Variants in STK33 observed in about 807,000 individuals in gnomAD.
STK33 encodes the protein serine/threonine kinase 33.
In STK33, 52 loss-of-function variants were observed where a neutral mutation model predicts 58.0. The ratio of observed to expected loss-of-function variants is 0.90; its 90% CI spans 0.72 to 1.13. The LOEUF (loss-of-function observed/expected upper bound fraction) is 1.13, where lower values mean the gene tolerates loss of function less well. STK33 is among the 50% of genes most tolerant of loss of function. The pLI, the probability that STK33 is intolerant of heterozygous loss-of-function variation, is 0.00. For synonymous variants in STK33, 215 were observed against 200.1 expected (o/e 1.07, Z -0.63); for missense variants, 630 against 604.2 (o/e 1.04, Z -0.45).
chr11:8,513,159 G>C (rs1952478845), intron 1 of STK33, among the ~76,000 whole-genome samples: 2 of 152,124 alleles, frequency 1.3e-5, no homozygotes, highest in Admixed American at 1.3e-4. Flanking sequence ...AGCAAGCAAG[G>C]AGTCCTGTGC....
rs528904647 is a variant in STK33 at position 8,558,800 on chromosome 11, C to G, written c.-466+35283G>C. On this transcript the variant is annotated intron_variant, in intron 1 of 15. Coordinates refer to ENST00000687296, the MANE Select transcript of STK33 (RefSeq NM_001352389.2). ...ATGGATAACACAAACATGAAATTCA[C>G]TTATGCTCAAATCGCTTCCTAATAT... 9.2e-5 allele frequency among the ~76,000 whole-genome samples: 14 copies of G among 152,336 alleles called. No homozygotes were observed. The South Asian group carries it at 2.3e-3, about 25-fold the overall frequency.
At chr11:8,509,955 T>C (rs1346230454) in intron 1 of STK33, among the ~76,000 whole-genome samples, 1 of 152,240 alleles carries the variant, frequency 6.6e-6, no homozygotes, top group African/African-American at 2.4e-5. Context: ...AGAATTATGC[T>C]GCTATAAACG....
chr11:8,473,717 C>T (rs1306781058), intron 5 of STK33, among the ~76,000 whole-genome samples: 1 of 152,118 alleles, frequency 6.6e-6, no homozygotes, highest in African/African-American at 2.4e-5. Context: ...ATCCATATGG[C>T]AGTAACTATA....
At chr11:8,416,605 C>T (rs938965301) in intron 14 of STK33, among the ~76,000 whole-genome samples, 3 of 152,160 alleles carry the variant, frequency 2.0e-5, no homozygotes, top group African/African-American at 7.2e-5. Flanking sequence ...GGATTGCCTA[C>T]ATTATTTTGA....
intron 1 of STK33, among the ~76,000 whole-genome samples, chr11:8,573,658 C>T (rs762819074): frequency 5.9e-5 from 9 of 152,130 alleles, no homozygotes; most frequent in African/African-American, 1.9e-4. Context: ...TATCAGTAAC[C>T]GTCAAAAACT....
chr11:8,544,445 AATG>A (rs1205490809), intron 1 of STK33, among the ~76,000 whole-genome samples: 1 of 150,568 alleles, frequency 6.6e-6, no homozygotes, highest in Non-Finnish European at 1.5e-5. Flanking sequence ...TTAGAAGAAT[AATG>A]ATTGTTTCTC....
rs1274710184 is a variant in STK33, at chr11:8,473,221, C to A, written c.281G>T (p.Gly94Val). The change falls in exon 6 of 16, where the codon GGC (glycine) becomes GTC (valine). Residue 94 changes from glycine (G) to valine (V), a missense_variant. Coordinates refer to ENST00000687296, the MANE Select transcript of STK33 (RefSeq NM_001352389.2). ...RKASQQQWGR[G>V]NFTEGKVPHI... ...AGGAACTTTTCCTTCTGTAAAGTTGCCCCGACCCCATTGTTGCTGAGATGC... is the reference window on the plus strand; with the variant it reads ...AGGAACTTTTCCTTCTGTAAAGTTGACCCGACCCCATTGTTGCTGAGATGC... The A allele has an allele frequency of 1.2e-6, 2 of 1,613,260 alleles. No individual in the cohort carries two copies. The highest frequency in any genetic ancestry group is 1.7e-6 in the Non-Finnish European group (2 of 1,179,754).
At chr11:8,394,588 T>C (rs141478568) in intron 15 of STK33, among the ~76,000 whole-genome samples, 115 of 152,354 alleles carry the variant, frequency 7.5e-4, no homozygotes, top group African/African-American at 2.5e-3. Flanking sequence ...TGAGTCATTA[T>C]AGTAGTTTCA....
the STK33 span, among the ~76,000 whole-genome samples, chr11:8,335,911 G>A: frequency 5.3e-5 from 8 of 152,178 alleles, no homozygotes; most frequent in South Asian, 4.1e-4. Context: ...ACGGCTACAC[G>A]CGGCTATTGT....
chr11:8,421,417 C>T (rs1319084749), intron 14 of STK33, among the ~76,000 whole-genome samples: 1 of 152,178 alleles, frequency 6.6e-6, no homozygotes, highest in African/African-American at 2.4e-5. Context: ...CTCTCATCTT[C>T]CATACGACGA....
intron 1 of STK33, among the ~76,000 whole-genome samples, chr11:8,537,780 A>G (rs1053154886): frequency 1.3e-5 from 2 of 150,276 alleles, no homozygotes; most frequent in Non-Finnish European, 2.9e-5. Flanking sequence ...ACTGCACTCC[A>G]GCCTGGGGAA....
At chr11:8,400,720 C>A (rs1293390669) in intron 15 of STK33, among the ~76,000 whole-genome samples, 1 of 152,090 alleles carries the variant, frequency 6.6e-6, no homozygotes, top group Non-Finnish European at 1.5e-5. Context: ...TCTAGAAAAC[C>A]CCATTATCTC....
At chr11:8,460,548 T>G (rs1474486934) in intron 8 of STK33, among the ~76,000 whole-genome samples, 1 of 152,074 alleles carries the variant, frequency 6.6e-6, no homozygotes, top group Admixed American at 6.5e-5. Context: ...ATCAGTGAAC[T>G]GTGGACAATA....
intron 1 of STK33, among the ~76,000 whole-genome samples, chr11:8,558,715 G>T (rs1354719190): frequency 3.3e-5 from 5 of 152,094 alleles, no homozygotes; most frequent in Admixed American, 1.3e-4. Flanking sequence ...TTCCTGCTGG[G>T]CTCGGTTCAA....
At chr11:8,501,691 T>C (rs1010628697) in intron 1 of STK33, among the ~76,000 whole-genome samples, 2 of 152,166 alleles carry the variant, frequency 1.3e-5, no homozygotes, top group Non-Finnish European at 2.9e-5. Flanking sequence ...TACTCTTAGA[T>C]CCAAGATAAT....
At chr11:8,509,671 C>G (rs1313150782) in intron 1 of STK33, among the ~76,000 whole-genome samples, 2 of 152,114 alleles carry the variant, frequency 1.3e-5, no homozygotes, top group Non-Finnish European at 2.9e-5. Flanking sequence ...ATCCATCCTT[C>G]CCCTTGAGTC....
rs570117892 is a variant in STK33, at chr11:8,447,685, T to G, written c.871+5137A>C. 1.6e-3 allele frequency among the ~76,000 whole-genome samples: 246 copies of G among 152,234 alleles called. 2 individuals carry two copies. Among genetic ancestry groups the G allele is most frequent in the African/African-American group, 4.7e-3 (196 of 41,558 alleles). On this transcript the variant is annotated intron_variant, in intron 11 of 15. Coordinates refer to ENST00000687296, the MANE Select transcript of STK33 (RefSeq NM_001352389.2). ...ACAAACCCACAGCCAATATCATACT[T>G]AATGGGCAAAAACTGGAAGCATTCC... is the stretch of plus-strand genomic sequence containing the variant.
chr11:8,527,782 A>G (rs1250349380), intron 1 of STK33, among the ~76,000 whole-genome samples: 3 of 152,234 alleles, frequency 2.0e-5, no homozygotes, highest in Admixed American at 6.5e-5. Flanking sequence ...CAATGACTAT[A>G]TGAGTATTTT....
intron 1 of STK33, among the ~76,000 whole-genome samples, chr11:8,547,779 C>A (rs1956039942): frequency 6.6e-6 from 1 of 151,988 alleles, no homozygotes; most frequent in Non-Finnish European, 1.5e-5. Flanking sequence ...GGGGTCTTAT[C>A]CAAAAAAATC....
Sources: allele counts gnomAD v4.1 joint callset (sites outside exome capture counted in the v4.1 genomes callset), GRCh38; gene constraint gnomAD v4.1.1; transcripts MANE v1.5; gene names NCBI Gene and HGNC (gene_info 2026-07-23, HGNC 2026-07-21).